Variants in GREB1 observed in about 807,000 individuals in gnomAD.
The protein encoded by GREB1 is growth regulating estrogen receptor binding 1.
A neutral mutation model predicts 200.7 loss-of-function variants in GREB1; 106 were observed. The ratio of observed to expected loss-of-function variants is 0.53; its 90% CI spans 0.45 to 0.62. GREB1 has a LOEUF of 0.62. Among genes scored for constraint, GREB1 ranks in the 20% least tolerant of loss-of-function variants. The pLI is 0.00. For missense variants in GREB1, 2,243 were observed against 2,556.8 expected (o/e 0.88, Z 2.65); for synonymous variants, 1,132 against 1,092.4 (o/e 1.04, Z -0.72).
rs1180972880 is a variant in GREB1 at position 11,595,331 on chromosome 2, A to G, written c.1777A>G (p.Thr593Ala). Residue 593 changes from threonine (T) to alanine (A), a missense_variant, in exon 12 of 33, where the codon ACG becomes GCG. Coordinates refer to ENST00000381486, the MANE Select transcript of GREB1 (RefSeq NM_014668.4). ...GAAGGAAGTCAATTACGAGCTGGTT[A>G]CGGGGAAGGTAGACTCGCTGGGGGC... is the stretch of plus-strand genomic sequence containing the variant. ...YQKEVNYELV[T>A]GKVDSLGAFF... is the part of the protein sequence containing the mutation. The G allele has an allele frequency of 6.2e-7, 1 of 1,614,022 alleles. No homozygotes were observed. The highest frequency in any genetic ancestry group is 8.5e-7 in the Non-Finnish European group (1 of 1,179,924).
At chr2:11,518,745 T>G (rs1051347805) in intron 1 of GREB1, among the ~76,000 whole-genome samples, 1 of 94,580 alleles carries the variant, frequency 1.1e-5, no homozygotes, top group Non-Finnish European at 2.2e-5. Context: ...TAAAGTGAAA[T>G]ACAAAAAAAA....
intron 17 of GREB1, among the ~76,000 whole-genome samples, chr2:11,603,293 T>G (rs1681951445): frequency 6.6e-6 from 1 of 152,226 alleles, no homozygotes; most frequent in South Asian, 2.1e-4. Flanking sequence ...TACCACTGAT[T>G]GTCAGCATGA....
At chr2:11,574,769 T>A (rs1367568125) in intron 4 of GREB1, among the ~76,000 whole-genome samples, 2 of 152,188 alleles carry the variant, frequency 1.3e-5, no homozygotes, top group Non-Finnish European at 2.9e-5. Context: ...TGGGTTGAGA[T>A]GAATGACAAG....
At chr2:11,506,352 C>A (rs1223769475) in intron 1 of GREB1, among the ~76,000 whole-genome samples, 1 of 152,116 alleles carries the variant, frequency 6.6e-6, no homozygotes, top group Non-Finnish European at 1.5e-5. Context: ...GTGGCCATAG[C>A]CTGAGGGGAA....
intron 1 of GREB1, among the ~76,000 whole-genome samples, chr2:11,553,880 T>C (rs6432212): frequency 0.25 from 37,856 of 152,040 alleles, 8,101 homozygotes; most frequent in African/African-American, 0.58. Context: ...GTGTTCTTTC[T>C]GTCAGAGGAC....
At chr2:11,562,934 C>A in intron 3 of GREB1, 1 of 176,434 alleles carries the variant, frequency 5.7e-6, no homozygotes, top group Non-Finnish European at 1.2e-5. Flanking sequence ...GTTTGCACAG[C>A]ATATTGAACT....
At chr2:11,531,991 C>T (rs113594631), upstream of GREB1, among the ~76,000 whole-genome samples, 20 of 152,320 alleles carry the variant, frequency 1.3e-4, no homozygotes, top group African/African-American at 4.6e-4. Context: ...ATACCGCTTT[C>T]TCTCTTTATA....
At chr2:11,606,142 C>T (rs563600819) in intron 17 of GREB1, among the ~76,000 whole-genome samples, 11 of 152,212 alleles carry the variant, frequency 7.2e-5, no homozygotes, top group Non-Finnish European at 1.6e-4. Flanking sequence ...CCTCTGGAAC[C>T]CACATGTAAG....
chr2:11,498,018 C>G (rs1312217006), intron 1 of GREB1, among the ~76,000 whole-genome samples: 8 of 94,362 alleles, frequency 8.5e-5, no homozygotes, highest in African/African-American at 2.9e-4. Flanking sequence ...TTTTTAAAGA[C>G]AGAGTCTCAC....
At position 11,576,471 on chromosome 2, in the gene GREB1, T is replaced by C; in HGVS notation, c.573T>C (p.Tyr191=). 1 of 1,614,080 alleles carries C rather than the reference T, an allele frequency of 6.2e-7. No homozygotes were observed. Among genetic ancestry groups the C allele is most frequent in the Non-Finnish European group, 8.5e-7 (1 of 1,179,910 alleles). The part of the protein sequence containing the change: ...TQPKKQKHLK[Y]YLVRNAQGTL... The stretch of plus-strand genomic sequence containing the variant: ...CCAAGAAGCAGAAACACTTGAAGTA[T>C]TACCTGGTCCGTAATGCACAAGGGA... The change falls in exon 5 of 33, where the codon TAT becomes TAC. Residue 191 remains tyrosine (Y), a synonymous_variant. Coordinates refer to ENST00000381486, the MANE Select transcript of GREB1 (RefSeq NM_014668.4).
rs60141733 is a variant in GREB1 at position 11,516,311 on chromosome 2, GGTGTGTGTGTGTGT to G, written c.-159+33954_-159+33967del. ...ACCAAGTGCTGTAGATTTTCCTGCA[GGTGTGTGTGTGTGT>G]GTGTGTGTGTGTGTGTGTGTGTGCA... On this transcript the variant is annotated intron_variant, in intron 1 of 2. Transcript: ENST00000628795. Among the ~76,000 whole-genome samples, 553 of 143,956 alleles carry G rather than the reference GGTGTGTGTGTGTGT, an allele frequency of 3.8e-3. 2 individuals carry two copies. The highest frequency in any genetic ancestry group is 0.013 in the African/African-American group (521 of 38,798). 94.4% of individuals were successfully genotyped at this position (143,956 alleles called of 152,430 possible).
chr2:11,589,080 A>C (rs1680471259), intron 10 of GREB1, 149 bp downstream of exon 10: 1 of 656,582 alleles, frequency 1.5e-6, no homozygotes, highest in African/African-American at 1.8e-5. Context: ...GACGTCATGA[A>C]GTCACTGTGG....
At chr2:11,542,338 C>T (rs536287673) in intron 1 of GREB1, among the ~76,000 whole-genome samples, 136 of 152,258 alleles carry the variant, frequency 8.9e-4, no homozygotes, top group Non-Finnish European at 1.3e-3. Flanking sequence ...CGAAGGCCCC[C>T]GGCTGCATCT....
At chr2:11,587,426 G>A (rs1680230486) in intron 9 of GREB1, 3 of 1,613,918 alleles carry the variant, frequency 1.9e-6, no homozygotes, top group Non-Finnish European at 2.5e-6. Context: ...TGGTCCGGCA[G>A]AACCTGCATC....
chr2:11,597,689 C>A lies in GREB1; in HGVS notation c.1955-92C>A, dbSNP rs1681394774. 7.2e-6 allele frequency: 8 copies of A among 1,118,852 alleles called. No homozygotes were observed. The African/African-American group carries it at 7.6e-5, about 11-fold the overall frequency. 69.3% of individuals were successfully genotyped at this position (1,118,852 alleles called of 1,614,324 possible). On this transcript the variant is annotated intron_variant, in intron 13 of 32. Coordinates refer to ENST00000381486, the MANE Select transcript of GREB1 (RefSeq NM_014668.4). The surrounding 1 kb of genome is among the most constrained non-coding windows in gnomAD (Gnocchi z 4.1). ...ATCGCTTTGTGAATGGGGCCGTCTC[C>A]CCTGGACAGGTCTCACTGATTCTCT...
chr2:11,569,192 A>T (rs1472119624), intron 4 of GREB1, among the ~76,000 whole-genome samples: 1 of 152,234 alleles, frequency 6.6e-6, no homozygotes, highest in East Asian at 1.9e-4. Context: ...AAAAAGGAAA[A>T]CATATTCCGC....
chr2:11,566,438 G>A, intron 3 of GREB1, 42 bp from the exon 4 acceptor site: 2 of 1,542,296 alleles, frequency 1.3e-6, no homozygotes, highest in South Asian at 2.5e-5. Flanking sequence ...CCCGCTTCTG[G>A]GAAGCCCTGG....
chr2:11,608,722 A>C (rs1188154653), intron 17 of GREB1, among the ~76,000 whole-genome samples: 1 of 152,234 alleles, frequency 6.6e-6, no homozygotes, highest in African/African-American at 2.4e-5. Flanking sequence ...AACAGGAACT[A>C]TTCCCAGCCC....
chr2:11,597,501 C>T lies in GREB1; in HGVS notation c.1955-280C>T, dbSNP rs1194257673. Among the ~76,000 whole-genome samples, 1 of 152,154 alleles carries T rather than the reference C, an allele frequency of 6.6e-6. No individual in the cohort carries two copies. Among genetic ancestry groups the T allele is most frequent in the African/African-American group, 2.4e-5 (1 of 41,416 alleles). On this transcript the variant is annotated intron_variant, in intron 13 of 32. Transcript: ENST00000381486. The surrounding 1 kb of genome is among the most constrained non-coding windows in gnomAD (Gnocchi z 4.1). ...CCCTGGGATAGGCTCCTTGTCCCCT[C>T]TAAGCAGAAGAGACCACTGCCTCCA...
Sources: gnomAD v4.1 joint callset for allele counts (sites outside exome capture counted in the v4.1 genomes callset) on GRCh38, gnomAD v4.1.1 for gene constraint, Gnocchi (gnomAD v3.1) non-coding constraint, MANE v1.5 for transcripts, NCBI Gene and HGNC (gene_info 2026-07-23, HGNC 2026-07-21) for gene names.